MAF: variants seen among roughly 807,000 people sequenced by gnomAD.
MAF encodes MAF bZIP transcription factor.
In MAF, 10 loss-of-function variants were observed where a neutral mutation model predicts 22.0. The observed-to-expected ratio is 0.45, with a 90% CI of 0.28 to 0.77. The LOEUF is 0.77. MAF is among the 30% of genes least tolerant of loss of function. The pLI is 0.12. For missense variants in MAF, 544 were observed against 548.4 expected, an observed-to-expected ratio of 0.99 and a Z score of 0.08; for synonymous variants, 337 against 255.8, an observed-to-expected ratio of 1.32 and a Z score of -3.03.
the MAF span, among the ~76,000 whole-genome samples, chr16:79,529,859 G>C: frequency 6.6e-6 from 1 of 151,918 alleles, no homozygotes; most frequent in Non-Finnish European, 1.5e-5. Flanking sequence ...TACTCAGAAG[G>C]CTGAGGCAGG....
At chr16:79,444,711 G>A in the MAF span, among the ~76,000 whole-genome samples, 1 of 152,210 alleles carries the variant, frequency 6.6e-6, no homozygotes, top group Non-Finnish European at 1.5e-5. Context: ...CTGTTTCTGG[G>A]TGCAGGGCTC....
downstream of MAF, among the ~76,000 whole-genome samples, chr16:79,583,959 T>A (rs1251932231): frequency 1.3e-5 from 2 of 152,222 alleles, no homozygotes; most frequent in Non-Finnish European, 2.9e-5. Flanking sequence ...GATGTGCGTA[T>A]GTTAAGCTGT....
At chr16:79,514,718 G>A in the MAF span, among the ~76,000 whole-genome samples, 2 of 152,118 alleles carry the variant, frequency 1.3e-5, no homozygotes. Context: ...TCTGTGCCCT[G>A]GGAGGCTGTC....
chr16:79,565,004 G>A, the MAF span, among the ~76,000 whole-genome samples: 2 of 152,162 alleles, frequency 1.3e-5, no homozygotes, highest in Non-Finnish European at 2.9e-5. Context: ...TGAGAATGGT[G>A]GAGCTGGGAG....
At chr16:79,308,882 G>A in the MAF span, among the ~76,000 whole-genome samples, 1 of 152,174 alleles carries the variant, frequency 6.6e-6, no homozygotes, top group Non-Finnish European at 1.5e-5. Flanking sequence ...ATGGGAATCT[G>A]GGAGACGGGA....
the MAF span, among the ~76,000 whole-genome samples, chr16:79,543,418 GACAAGAGCCACTTAC>G: frequency 2.6e-5 from 4 of 152,200 alleles, no homozygotes; most frequent in Non-Finnish European, 5.9e-5. Flanking sequence ...CTGCCAAGAT[GACAAGAGCCACTTAC>G]ACAAAGAGCA....
At chr16:79,325,127 C>T in the MAF span, among the ~76,000 whole-genome samples, 3 of 152,212 alleles carry the variant, frequency 2.0e-5, no homozygotes, top group Non-Finnish European at 4.4e-5. Flanking sequence ...TTATCTCTGC[C>T]AAGACTCTTT....
chr16:79,385,005 T>C, the MAF span, among the ~76,000 whole-genome samples: 1 of 152,148 alleles, frequency 6.6e-6, no homozygotes, highest in Non-Finnish European at 1.5e-5. Flanking sequence ...GGAACACACC[T>C]TGGAGACAGG....
chr16:79,239,046 T>G, the MAF span, among the ~76,000 whole-genome samples: 1 of 152,010 alleles, frequency 6.6e-6, no homozygotes, highest in African/African-American at 2.4e-5. Flanking sequence ...CTAGATCAGG[T>G]TCTCATAGCC....
chr16:79,522,741 C>T, the MAF span, among the ~76,000 whole-genome samples: 14 of 152,290 alleles, frequency 9.2e-5, no homozygotes, highest in Admixed American at 2.0e-4. Flanking sequence ...ATCAATCCAA[C>T]GATGGCTTGC....
chr16:79,256,778 T>C, the MAF span, among the ~76,000 whole-genome samples: 2 of 152,162 alleles, frequency 1.3e-5, no homozygotes, highest in East Asian at 3.8e-4. Flanking sequence ...ATTTTGACAG[T>C]ACACATTTTA....
the MAF span, among the ~76,000 whole-genome samples, chr16:79,568,075 A>G: frequency 2.6e-5 from 4 of 152,236 alleles, no homozygotes; most frequent in Non-Finnish European, 4.4e-5. Context: ...AATGAACTAC[A>G]GTAAAGAGGA....
the MAF span, among the ~76,000 whole-genome samples, chr16:79,332,590 C>A: frequency 6.6e-6 from 1 of 152,328 alleles, no homozygotes; most frequent in South Asian, 2.1e-4. Context: ...TGAGCCACCA[C>A]GCCTGACTCA....
the MAF span, among the ~76,000 whole-genome samples, chr16:79,297,760 C>T: frequency 6.6e-6 from 1 of 152,146 alleles, no homozygotes; most frequent in Non-Finnish European, 1.5e-5. Flanking sequence ...AAATGTGGGG[C>T]TGCGTGCCAT....
the MAF span, among the ~76,000 whole-genome samples, chr16:79,332,325 G>A: frequency 1.3e-5 from 2 of 151,990 alleles, no homozygotes; most frequent in Admixed American, 1.3e-4. Context: ...TCTTGAGATG[G>A]AGTCTTGCTC....
chr16:79,380,096 T>C, the MAF span, among the ~76,000 whole-genome samples: 2 of 152,200 alleles, frequency 1.3e-5, no homozygotes, highest in African/African-American at 4.8e-5. Flanking sequence ...TGCCTAAACA[T>C]ACAACTCTTT....
the MAF span, among the ~76,000 whole-genome samples, chr16:79,396,436 T>C: frequency 1.3e-5 from 2 of 152,150 alleles, no homozygotes. Context: ...AAGAAAAAGC[T>C]CGATTCAATT....
At chr16:79,478,763 G>C in the MAF span, among the ~76,000 whole-genome samples, 1 of 152,012 alleles carries the variant, frequency 6.6e-6, no homozygotes, top group Non-Finnish European at 1.5e-5. Context: ...TAGTCCACTT[G>C]GGCACCACCC....
chr16:79,586,994 A>C (rs1373169927), intron 1 of MAF, among the ~76,000 whole-genome samples: 2 of 152,254 alleles, frequency 1.3e-5, no homozygotes, highest in Admixed American at 6.5e-5. Context: ...AATATGAGCT[A>C]TGCTCATGCA....
Sources: gnomAD v4.1 joint callset for allele counts (sites outside exome capture counted in the v4.1 genomes callset) on GRCh38, gnomAD v4.1.1 for gene constraint, MANE v1.5 for transcripts, NCBI Gene and HGNC (gene_info 2026-07-23, HGNC 2026-07-21) for gene names.